Variants in PKIA observed in about 807,000 individuals in gnomAD.
PKIA encodes the protein cAMP-dependent protein kinase inhibitor alpha, also known as PKI-alpha.
In PKIA, 4 loss-of-function variants were observed where a neutral mutation model predicts 7.6. The observed-to-expected ratio is 0.52, with a 90% CI of 0.26 to 1.20. The LOEUF (loss-of-function observed/expected upper bound fraction) is 1.20. Among genes scored for constraint, PKIA ranks in the 50% most tolerant of loss-of-function variants. The pLI, the probability that PKIA is intolerant of heterozygous loss-of-function variation, is 0.13. For missense variants in PKIA, 73 were observed against 86.2 expected (o/e 0.85, Z 0.61); for synonymous variants, 21 against 30.7 (o/e 0.68, Z 1.04).
At chr8:78,581,858 T>C (rs993321452) in intron 2 of PKIA, among the ~76,000 whole-genome samples, 4 of 152,092 alleles carry the variant, frequency 2.6e-5, no homozygotes, top group Middle Eastern at 3.2e-3. Flanking sequence ...GTGCTAATTG[T>C]CAGATTTTCT....
intron 1 of PKIA, among the ~76,000 whole-genome samples, chr8:78,540,255 G>A (rs768892373): frequency 4.0e-5 from 6 of 151,884 alleles, no homozygotes; most frequent in African/African-American, 2.4e-5. Context: ...TGCTACCCCT[G>A]CCCCTAGCAA....
chr8:78,522,910 T>G (rs1809444576), intron 1 of PKIA, among the ~76,000 whole-genome samples: 1 of 151,958 alleles, frequency 6.6e-6, no homozygotes, highest in Non-Finnish European at 1.5e-5. Flanking sequence ...TAGTTTATTC[T>G]GAAATAGAAT....
Position 78,601,883 on chromosome 8 carries a change from T to C in PKIA, c.*62T>C. The C allele has an allele frequency of 1.6e-6, 2 of 1,258,084 alleles. No individual in the cohort carries two copies. The highest frequency in any genetic ancestry group is 2.3e-6 in the Non-Finnish European group (2 of 865,650). 77.9% of individuals were successfully genotyped at this position (1,258,084 alleles called of 1,614,324 possible). Reference sequence around the variant, plus strand: ...CTCAAATCTCCAGGAGTATCTGGAATGCATTTGTTTCCATGAGTGAAAAGA... The same window carrying C: ...CTCAAATCTCCAGGAGTATCTGGAACGCATTTGTTTCCATGAGTGAAAAGA... On this transcript the variant is annotated 3_prime_UTR_variant, in exon 4 of 4. Transcript: ENST00000396418.
Position 78,572,955 on chromosome 8 carries a change from C to T in PKIA, c.-28+16C>T, listed in dbSNP as rs1807588533. On this transcript the variant is annotated intron_variant, in intron 2 of 3. Coordinates refer to ENST00000396418, the MANE Select transcript of PKIA (RefSeq NM_006823.4). ...TTCCAATCAGGTAGGAACACTAATT[C>T]TCAAACATTTAATTACCTTAAAATA... The T allele has an allele frequency of 6.6e-6, 1 of 151,908 alleles. No homozygotes were observed. The highest frequency in any genetic ancestry group is 1.5e-5 in the Non-Finnish European group (1 of 67,956). The allele number at this position is 151,908 out of a possible 1,614,324, so 9.4% of individuals were successfully genotyped here.
At chr8:78,600,323 A>G (rs1200558501) in intron 3 of PKIA, among the ~76,000 whole-genome samples, 4 of 151,962 alleles carry the variant, frequency 2.6e-5, no homozygotes, top group African/African-American at 9.7e-5. Flanking sequence ...TTTCAGCTTC[A>G]TTTTAGTTTA....
At position 78,602,988 on chromosome 8, in the gene PKIA, A is replaced by G. The variant is rs1808388288; in HGVS notation, c.*1167A>G. On this transcript the variant is annotated 3_prime_UTR_variant, in exon 4 of 4. Coordinates refer to ENST00000396418, the MANE Select transcript of PKIA (RefSeq NM_006823.4). ...CTCTCAGATCCAAATGTTATTATGC[A>G]CTTTTTAATGTTTGTAAACTTTTAC... 2.0e-5 allele frequency: 3 copies of G among 152,254 alleles called. No individual in the cohort carries two copies. The allele number at this position is 152,254 out of a possible 1,614,324, so 9.4% of individuals were successfully genotyped here. A position where few individuals can be genotyped will look rare whatever the true frequency, so the allele number is the denominator to read the frequency against.
intron 1 of PKIA, among the ~76,000 whole-genome samples, chr8:78,520,575 G>C (rs1289478102): frequency 1.3e-5 from 2 of 152,082 alleles, no homozygotes; most frequent in African/African-American, 4.8e-5. Context: ...ATTACCACCC[G>C]CTCTTTGAAG....
intron 2 of PKIA, among the ~76,000 whole-genome samples, chr8:78,589,268 G>A (rs1051831860): frequency 7.9e-5 from 12 of 151,972 alleles, no homozygotes; most frequent in African/African-American, 2.9e-4. Context: ...AAAATTTAAA[G>A]AGCATACAAA....
chr8:78,540,249 A>AC (rs1247510015), intron 1 of PKIA, among the ~76,000 whole-genome samples: 2 of 151,972 alleles, frequency 1.3e-5, no homozygotes, highest in African/African-American at 4.8e-5. Flanking sequence ...CCCCCCTGCT[A>AC]CCCCTGCCCC....
intron 2 of PKIA, among the ~76,000 whole-genome samples, 186 bp downstream of exon 2, chr8:78,573,125 G>T (rs1807592643): frequency 6.6e-6 from 1 of 152,046 alleles, no homozygotes; most frequent in African/African-American, 2.4e-5. Context: ...ATAACAGCAT[G>T]ATGCTTTTTT....
chr8:78,551,641 G>C (rs1381032424), intron 1 of PKIA, among the ~76,000 whole-genome samples: 1 of 151,930 alleles, frequency 6.6e-6, no homozygotes, highest in Non-Finnish European at 1.5e-5. Flanking sequence ...AAATGCTAGA[G>C]ACAGGGAAGG....
chr8:78,543,951 G>A (rs535287554), intron 1 of PKIA, among the ~76,000 whole-genome samples: 1 of 152,082 alleles, frequency 6.6e-6, no homozygotes, highest in East Asian at 1.9e-4. Flanking sequence ...TGCTGCTGTC[G>A]AACTCCACAA....
chr8:78,519,248 G>A (rs1023366586), intron 1 of PKIA, among the ~76,000 whole-genome samples: 3 of 151,814 alleles, frequency 2.0e-5, no homozygotes, highest in Admixed American at 1.3e-4. Context: ...AAATTTAGGA[G>A]TTAAAGTTGC....
At position 78,602,694 on chromosome 8, in the gene PKIA, A is replaced by AATATATATAT. The variant is rs34597437; in HGVS notation, c.*884_*893dup. The AATATATATAT allele has an allele frequency of 6.5e-4, 89 of 136,972 alleles. 1 individual carries two copies. Among genetic ancestry groups the AATATATATAT allele is most frequent in the Non-Finnish European group, 9.9e-4 (63 of 63,568 alleles). The allele number at this position is 136,972 out of a possible 1,614,324, so 8.5% of individuals were successfully genotyped here. A position where few individuals can be genotyped will look rare whatever the true frequency, so the allele number is the denominator to read the frequency against. On this transcript the variant is annotated 3_prime_UTR_variant, in exon 4 of 4. Transcript: ENST00000396418. ...CTCAAGTGGAGAACTTCTCCCACAT[A>AATATATATAT]ATATATATATATATATATATTTTAA...
chr8:78,591,254 G>A (rs1347230960), intron 2 of PKIA: 3 of 152,612 alleles, frequency 2.0e-5, no homozygotes, highest in African/African-American at 7.2e-5. Flanking sequence ...CATCGATGTG[G>A]AACACTTCAG....
chr8:78,588,620 T>C (rs1808016605), intron 2 of PKIA, among the ~76,000 whole-genome samples: 1 of 152,118 alleles, frequency 6.6e-6, no homozygotes, highest in Non-Finnish European at 1.5e-5. Flanking sequence ...TAATCTGTAG[T>C]GATTATTTAG....
At chr8:78,569,739 A>G (rs1234060925) in intron 1 of PKIA, among the ~76,000 whole-genome samples, 1 of 152,192 alleles carries the variant, frequency 6.6e-6, no homozygotes, top group Non-Finnish European at 1.5e-5. Flanking sequence ...TAAATGTTTC[A>G]AAAAGCAATT....
intron 2 of PKIA, among the ~76,000 whole-genome samples, chr8:78,597,246 G>A (rs926848676): frequency 1.1e-4 from 16 of 152,220 alleles, no homozygotes; most frequent in African/African-American, 3.9e-4. Flanking sequence ...GATAGGAATA[G>A]CATTGAATCT....
intron 1 of PKIA, among the ~76,000 whole-genome samples, chr8:78,542,034 G>T (rs1806706658): frequency 6.6e-6 from 1 of 151,836 alleles, no homozygotes; most frequent in African/African-American, 2.4e-5. Flanking sequence ...AAATCAGCTG[G>T]GCATGGTGGT....
Sources: allele counts gnomAD v4.1 joint callset (sites outside exome capture counted in the v4.1 genomes callset), GRCh38; gene constraint gnomAD v4.1.1; transcripts MANE v1.5; gene names NCBI Gene and HGNC (gene_info 2026-07-23, HGNC 2026-07-21).